KCTD10: variants seen among roughly 807,000 people sequenced by gnomAD.
KCTD10 encodes the protein BTB/POZ domain-containing adapter for CUL3-mediated RhoA degradation protein 3.
KCTD10 carries 13 observed loss-of-function variants against 34.6 expected under a neutral mutation model. That is an observed-to-expected ratio of 0.38 (90% CI 0.24 to 0.60). KCTD10 has a LOEUF of 0.60. Among genes scored for constraint, KCTD10 ranks in the 20% least tolerant of loss-of-function variants. KCTD10 has a pLI of 0.66. For missense variants in KCTD10, 256 were observed against 420.3 expected (o/e 0.61, Z 3.42); for synonymous variants, 156 against 168.8 (o/e 0.92, Z 0.59).
intron 1 of KCTD10, 61 bp from the exon 2 acceptor site, chr12:109,469,789 G>A: frequency 2.5e-6 from 4 of 1,593,660 alleles, no homozygotes; most frequent in South Asian, 1.1e-5. Context: ...TTCAGCCTGT[G>A]GATTCAATCT....
intron 1 of KCTD10, among the ~76,000 whole-genome samples, chr12:109,473,093 A>G (rs1309903248): frequency 6.6e-6 from 1 of 152,198 alleles, no homozygotes; most frequent in Non-Finnish European, 1.5e-5. Context: ...GTGGATTTGG[A>G]TGCCACAGCC....
chr12:109,465,570 T>C (rs1214376523), intron 2 of KCTD10, among the ~76,000 whole-genome samples: 1 of 152,144 alleles, frequency 6.6e-6, no homozygotes, highest in Non-Finnish European at 1.5e-5. Flanking sequence ...ATCCACCTGG[T>C]GACCCCAAAT....
In KCTD10 at chr12:109,450,225, C is replaced by G. The variant is rs1403436648; in HGVS notation, c.*1370G>C. 2.5e-6 allele frequency: 1 copy of G among 398,562 alleles called. No individual in the cohort carries two copies. Among genetic ancestry groups the G allele is most frequent in the Non-Finnish European group, 4.4e-6 (1 of 226,086 alleles). 24.7% of individuals were successfully genotyped at this position (398,562 alleles called of 1,614,324 possible). A position where few individuals can be genotyped will look rare whatever the true frequency, so the allele number is the denominator to read the frequency against. On this transcript the variant is annotated 3_prime_UTR_variant, in exon 7 of 7. Coordinates refer to ENST00000228495, the MANE Select transcript of KCTD10 (RefSeq NM_031954.5). ...TCTCCTGGTAACTACTCTACCTAGT[C>G]TAGTCTCAACCACCCCTGTCAGTCA...
chr12:109,462,977 T>C (rs1028515851), intron 2 of KCTD10, among the ~76,000 whole-genome samples: 11 of 152,098 alleles, frequency 7.2e-5, no homozygotes, highest in Admixed American at 5.9e-4. Flanking sequence ...ACCAGTTCTT[T>C]TTTGAGGGGA....
At chr12:109,473,025 C>T (rs932960113) in intron 1 of KCTD10, among the ~76,000 whole-genome samples, 2 of 152,148 alleles carry the variant, frequency 1.3e-5, no homozygotes, top group East Asian at 3.8e-4. Flanking sequence ...GCATTTCTAC[C>T]ACATGCCTTT....
intron 1 of KCTD10, among the ~76,000 whole-genome samples, chr12:109,476,466 A>G (rs953802288): frequency 1.3e-4 from 20 of 152,312 alleles, no homozygotes; most frequent in African/African-American, 4.6e-4. Context: ...CTCAGGGAAC[A>G]GACCCTTGAG....
chr12:109,450,031 A>G lies in KCTD10; in HGVS notation c.*1564T>C, dbSNP rs1465258448. On this transcript the variant is annotated 3_prime_UTR_variant, in exon 7 of 7. Coordinates refer to ENST00000228495, the MANE Select transcript of KCTD10 (RefSeq NM_031954.5). Reference sequence around the variant, plus strand: ...GTTGGATACAAAATGAAGGCATACAACTGTCACAGGCAGGGCAGTAAGTAC... The same window carrying G: ...GTTGGATACAAAATGAAGGCATACAGCTGTCACAGGCAGGGCAGTAAGTAC... 8.1e-6 allele frequency: 3 copies of G among 372,366 alleles called. No individual in the cohort carries two copies. The highest frequency in any genetic ancestry group is 4.6e-5 in the Admixed American group (1 of 21,838). The allele number at this position is 372,366 out of a possible 1,614,324, so 23.1% of individuals were successfully genotyped here.
At chr12:109,468,659 T>TC (rs1040387262) in intron 2 of KCTD10, among the ~76,000 whole-genome samples, 3 of 150,536 alleles carry the variant, frequency 2.0e-5, no homozygotes, top group Admixed American at 6.6e-5. Context: ...TTGCCTTTTT[T>TC]TTTTTTTTTT....
At chr12:109,475,470 C>A (rs1213709407) in intron 1 of KCTD10, among the ~76,000 whole-genome samples, 1 of 152,140 alleles carries the variant, frequency 6.6e-6, no homozygotes, top group Admixed American at 6.5e-5. Flanking sequence ...CAGAGCAAGA[C>A]CCTGTCTCCA....
At chr12:109,474,034 G>A (rs1005064459) in intron 1 of KCTD10, among the ~76,000 whole-genome samples, 3 of 152,018 alleles carry the variant, frequency 2.0e-5, no homozygotes, top group Admixed American at 1.3e-4. Flanking sequence ...TTCTGCCTCG[G>A]CATCCCAAAG....
At chr12:109,468,052 G>A (rs77732043) in intron 2 of KCTD10, among the ~76,000 whole-genome samples, 2,533 of 152,046 alleles carry the variant, frequency 0.017, 82 homozygotes, top group African/African-American at 0.058. Context: ...CTCCAGCAGC[G>A]GGGGTGCTAT....
intron 5 of KCTD10, 165 bp from the exon 6 acceptor site, chr12:109,456,478 A>G (rs1392137742): frequency 3.1e-6 from 2 of 654,306 alleles, no homozygotes; most frequent in Non-Finnish European, 2.7e-6. Context: ...TCACTCAAGA[A>G]GGAAAGTGAG....
chr12:109,464,224 T>C (rs1410178562), intron 2 of KCTD10, among the ~76,000 whole-genome samples: 1 of 152,206 alleles, frequency 6.6e-6, no homozygotes, highest in Non-Finnish European at 1.5e-5. Context: ...AAGGTACTTG[T>C]GAAAAATTCA....
At chr12:109,471,742 G>T (rs967997445) in intron 1 of KCTD10, among the ~76,000 whole-genome samples, 2 of 152,302 alleles carry the variant, frequency 1.3e-5, no homozygotes, top group Non-Finnish European at 1.5e-5. Context: ...ATGGGTGAGG[G>T]TGTGTGTTGA....
intron 1 of KCTD10, among the ~76,000 whole-genome samples, chr12:109,475,274 G>T (rs1337262845): frequency 6.6e-6 from 1 of 151,732 alleles, no homozygotes; most frequent in Non-Finnish European, 1.5e-5. Context: ...AGGAATTCGA[G>T]ACCAGCCTGA....
At chr12:109,459,331 T>C (rs11612500) in intron 3 of KCTD10, 25,804 of 152,230 alleles carry the variant, frequency 0.17, 2,240 homozygotes, top group African/African-American at 0.18. Context: ...GGTCTAACCT[T>C]AGACTAACAG....
At chr12:109,455,964 G>C (rs1872995585) in intron 6 of KCTD10, among the ~76,000 whole-genome samples, 154 bp downstream of exon 6, 1 of 152,200 alleles carries the variant, frequency 6.6e-6, no homozygotes, top group Admixed American at 6.5e-5. Flanking sequence ...GCTCCTTGCA[G>C]GGCCTAAAAG....
At chr12:109,472,193 G>T (rs1873923505) in intron 1 of KCTD10, among the ~76,000 whole-genome samples, 2 of 151,424 alleles carry the variant, frequency 1.3e-5, no homozygotes, top group African/African-American at 4.9e-5. Flanking sequence ...TTAACTTTTG[G>T]ACCCTTTTGT....
At chr12:109,474,970 T>A (rs950026216) in intron 1 of KCTD10, among the ~76,000 whole-genome samples, 4 of 152,158 alleles carry the variant, frequency 2.6e-5, no homozygotes, top group African/African-American at 9.7e-5. Context: ...GTTCCACCAT[T>A]TCCTTCGTGA....
Sources: gnomAD v4.1 joint callset for allele counts (sites outside exome capture counted in the v4.1 genomes callset) on GRCh38, gnomAD v4.1.1 for gene constraint, MANE v1.5 for transcripts, NCBI Gene and HGNC (gene_info 2026-07-23, HGNC 2026-07-21) for gene names.